STK24: variants seen among roughly 807,000 people sequenced by gnomAD.
The protein encoded by STK24 is serine/threonine-protein kinase 24.
In STK24, 21 loss-of-function variants were observed where a neutral mutation model predicts 55.6. That is an observed-to-expected ratio of 0.38 (90% CI 0.27 to 0.54). The LOEUF (loss-of-function observed/expected upper bound fraction) is 0.54, where lower values mean the gene tolerates loss of function less well. Ranked by LOEUF, STK24 falls within the 20% of genes least tolerant of loss-of-function variation. The pLI is 0.79. For missense variants in STK24, 383 were observed against 538.4 expected, an observed-to-expected ratio of 0.71 and a Z score of 2.86; for synonymous variants, 200 against 215.2, an observed-to-expected ratio of 0.93 and a Z score of 0.62.
intron 2 of STK24, among the ~76,000 whole-genome samples, chr13:98,492,084 T>C (rs201346707): frequency 6.4e-4 from 78 of 122,764 alleles, no homozygotes; most frequent in East Asian, 3.5e-3. Flanking sequence ...CGCGTGTGTG[T>C]GTGTGTGTGT....
chr13:98,482,988 C>A (rs1333188067), intron 2 of STK24, among the ~76,000 whole-genome samples: 2 of 152,226 alleles, frequency 1.3e-5, no homozygotes, highest in Admixed American at 1.3e-4. Context: ...TCTCACAGTC[C>A]CCAGCTCTGC....
intron 1 of STK24, among the ~76,000 whole-genome samples, chr13:98,535,336 TCAAACAAA>T (rs1205515223): frequency 6.5e-4 from 69 of 106,308 alleles, no homozygotes; most frequent in African/African-American, 2.3e-3. Flanking sequence ...AAACTCTGTC[TCAAACAAA>T]CAAACAAACA....
chr13:98,449,221 G>C lies in STK24; in HGVS notation c.*3952C>G, dbSNP rs917290451. ...TGGCTGCAGAGCACTATGAAATCAT[G>C]GTACGTAGTCCCCGGCACCTGTCGT... On this transcript the variant is annotated 3_prime_UTR_variant, in exon 11 of 11. Coordinates refer to ENST00000539966, the MANE Select transcript of STK24 (RefSeq NM_001032296.4). 2.6e-5 allele frequency: 4 copies of C among 152,214 alleles called. No individual in the cohort carries two copies. Among genetic ancestry groups the C allele is most frequent in the African/African-American group, 9.7e-5 (4 of 41,432 alleles). 9.4% of individuals were successfully genotyped at this position (152,214 alleles called of 1,614,324 possible).
intron 1 of STK24, among the ~76,000 whole-genome samples, chr13:98,571,851 C>A (rs1054799239): frequency 1.3e-5 from 2 of 152,168 alleles, no homozygotes; most frequent in African/African-American, 4.8e-5. Flanking sequence ...ACCTGGGCTC[C>A]CCACTCGCAT....
chr13:98,479,804 A>C (rs565928363), intron 3 of STK24, among the ~76,000 whole-genome samples: 20 of 152,254 alleles, frequency 1.3e-4, no homozygotes, highest in Admixed American at 6.5e-4. Context: ...CCTACCTCCA[A>C]AACACCCCTT....
chr13:98,540,071 G>A (rs1367474294), intron 1 of STK24, among the ~76,000 whole-genome samples: 1 of 152,180 alleles, frequency 6.6e-6, no homozygotes, highest in Non-Finnish European at 1.5e-5. Context: ...GCTGCGTTGC[G>A]AGCCCCAAGA....
intron 8 of STK24, 91 bp from the exon 9 acceptor site, chr13:98,460,531 G>T: frequency 1.9e-6 from 2 of 1,060,378 alleles, no homozygotes; most frequent in Non-Finnish European, 1.4e-6. Context: ...CTATGGAAGC[G>T]CAGGAGTTGC....
At chr13:98,464,211 A>G (rs1893839028) in intron 6 of STK24, among the ~76,000 whole-genome samples, 1 of 151,988 alleles carries the variant, frequency 6.6e-6, no homozygotes. Context: ...AGGTCAGGAG[A>G]TCGAGACCAC....
intron 1 of STK24, among the ~76,000 whole-genome samples, chr13:98,565,078 C>T (rs1048320078): frequency 6.6e-6 from 1 of 152,204 alleles, no homozygotes; most frequent in African/African-American, 2.4e-5. Context: ...CTGATTGTAG[C>T]TTGCTCTGCT....
chr13:98,518,735 C>G (rs1315454411), intron 2 of STK24, among the ~76,000 whole-genome samples: 1 of 152,178 alleles, frequency 6.6e-6, no homozygotes, highest in African/African-American at 2.4e-5. Flanking sequence ...ATTATAACTA[C>G]CGTTTTATTT....
At chr13:98,526,121 G>C (rs1896420970) in intron 1 of STK24, among the ~76,000 whole-genome samples, 1 of 152,184 alleles carries the variant, frequency 6.6e-6, no homozygotes, top group African/African-American at 2.4e-5. Context: ...GGTGAAAGGG[G>C]CTTTCGAAAC....
intron 3 of STK24, among the ~76,000 whole-genome samples, chr13:98,476,217 G>C (rs1894364624): frequency 1.3e-5 from 2 of 150,840 alleles, no homozygotes; most frequent in African/African-American, 4.9e-5. Context: ...GCTAACAAAG[G>C]CTCACTTCAA....
intron 2 of STK24, among the ~76,000 whole-genome samples, chr13:98,507,988 A>G (rs550124748): frequency 7.3e-5 from 11 of 151,648 alleles, no homozygotes; most frequent in Admixed American, 6.5e-4. Context: ...GGAAAGTACC[A>G]AAGGAGAATT....
At chr13:98,482,189 T>C in intron 3 of STK24, 76 bp downstream of exon 3, 2 of 760,924 alleles carry the variant, frequency 2.6e-6, no homozygotes, top group Non-Finnish European at 4.2e-6. Context: ...AATGGATACA[T>C]GCAATGGATT....
At chr13:98,575,112 G>A (rs1280705537) in intron 1 of STK24, among the ~76,000 whole-genome samples, 5 of 152,016 alleles carry the variant, frequency 3.3e-5, no homozygotes, top group Non-Finnish European at 7.4e-5. Context: ...TGCTCGACTA[G>A]TAAGAAATTA....
At chr13:98,516,743 G>A (rs1896076868) in intron 2 of STK24, among the ~76,000 whole-genome samples, 1 of 152,232 alleles carries the variant, frequency 6.6e-6, no homozygotes. Context: ...CTGAATCAGT[G>A]TCTGAAGGAA....
At chr13:98,568,632 C>T (rs1422567703) in intron 1 of STK24, among the ~76,000 whole-genome samples, 3 of 151,990 alleles carry the variant, frequency 2.0e-5, no homozygotes, top group Non-Finnish European at 4.4e-5. Context: ...TTTGGGAGGC[C>T]GAGGCATGTG....
intron 1 of STK24, chr13:98,576,086 T>C (rs578101396): frequency 1.0e-6 from 1 of 984,518 alleles, no homozygotes; most frequent in Non-Finnish European, 1.2e-6. Context: ...CCCGGGACCC[T>C]GGTGCGCGGC....
intron 1 of STK24, among the ~76,000 whole-genome samples, chr13:98,571,356 G>A (rs1250658243): frequency 2.7e-5 from 4 of 149,356 alleles, no homozygotes; most frequent in African/African-American, 1.0e-4. Context: ...GAAAGAGGGT[G>A]GGAAAGCAAT....
Sources: allele counts gnomAD v4.1 joint callset (sites outside exome capture counted in the v4.1 genomes callset), GRCh38; gene constraint gnomAD v4.1.1; transcripts MANE v1.5; gene names NCBI Gene and HGNC (gene_info 2026-07-23, HGNC 2026-07-21).